KAZN: variants seen among roughly 807,000 people sequenced by gnomAD.
KAZN encodes the protein kazrin, periplakin interacting protein.
KAZN carries 40 observed loss-of-function variants against 87.4 expected under a neutral mutation model. That is an observed-to-expected ratio of 0.46 (90% CI 0.36 to 0.60). The LOEUF (loss-of-function observed/expected upper bound fraction) is 0.60, where lower values mean the gene tolerates loss of function less well. Ranked by LOEUF, KAZN falls within the 20% of genes least tolerant of loss-of-function variation. The probability of loss-of-function intolerance (pLI) is 0.00; values close to 1 mark genes in which losing one functional copy is unlikely to be tolerated. For missense variants in KAZN, 898 were observed against 1,073.9 expected, an observed-to-expected ratio of 0.84 and a Z score of 2.29; for synonymous variants, 466 against 458.3, an observed-to-expected ratio of 1.02 and a Z score of -0.22.
intron 2 of KAZN, among the ~76,000 whole-genome samples, chr1:15,025,668 C>T (rs997340898): frequency 6.6e-6 from 1 of 152,224 alleles, no homozygotes; most frequent in African/African-American, 2.4e-5. Context: ...TGCTGACTAA[C>T]TTTCCAGGGT....
intron 13 of KAZN, among the ~76,000 whole-genome samples, chr1:15,106,811 C>G (rs1641310837): frequency 6.6e-6 from 1 of 152,180 alleles, no homozygotes; most frequent in Non-Finnish European, 1.5e-5. Flanking sequence ...CACACACTGA[C>G]TTCCTGCATC....
rs532424110 is a variant in KAZN at position 14,779,909 on chromosome 1, G to A, written c.226+180686G>A. ...GCTAGTGATGGGTATACATTCTCTC[G>A]TGCATTGCTGATGCTAATTGCAGTG... On this transcript the variant is annotated intron_variant, in intron 1 of 14. Transcript: ENST00000376030. 1.7e-3 allele frequency among the ~76,000 whole-genome samples: 257 copies of A among 152,264 alleles called. 3 individuals are homozygous for A. The highest frequency in any genetic ancestry group is 5.6e-3 in the African/African-American group (234 of 41,558).
Position 14,278,894 on chromosome 1 carries a change from ATAGT to A in KAZN, c.249+98306_249+98309del, listed in dbSNP as rs1280622911. On this transcript the variant is annotated intron_variant, in intron 2 of 16. Transcript: ENST00000636203. ...CCTCTGTATTTTCTGTAAATTGGTG[ATAGT>A]TAGACCAAGAAGCTTCATCAAATTC... Among the ~76,000 whole-genome samples, 6 of 141,862 alleles carry A rather than the reference ATAGT, an allele frequency of 4.2e-5. No homozygotes were observed. In the East Asian group the frequency reaches 6.5e-4, roughly 15 times the overall value. 93.1% of individuals were successfully genotyped at this position (141,862 alleles called of 152,430 possible).
intron 4 of KAZN, among the ~76,000 whole-genome samples, chr1:15,051,894 G>A (rs1674445377): frequency 6.6e-6 from 1 of 152,256 alleles, no homozygotes; most frequent in African/African-American, 2.4e-5. Context: ...TTAAGTGGGA[G>A]AAATGGAGTT....
At chr1:14,940,898 CTTTTTTTTTTTTTTTT>C (rs66777443) in intron 1 of KAZN, among the ~76,000 whole-genome samples, 5 of 54,404 alleles carry the variant, frequency 9.2e-5, no homozygotes, top group Non-Finnish European at 9.9e-5. Flanking sequence ...TTCTACCTTT[CTTTTTTTTTTTTTTTT>C]TTTTTTTTTT....
rs565136973 is a variant in KAZN, at chr1:14,005,286, A to G, written c.91+111530A>G. On this transcript the variant is annotated intron_variant, in intron 1 of 16. Transcript: ENST00000636203. ...CAAGACCAAGCTGATGGCCGCAGAG[A>G]AATAGCAAATTAGGTTCAAGACAGA... 2.4e-4 allele frequency among the ~76,000 whole-genome samples: 36 copies of G among 152,286 alleles called. No homozygotes were observed. The South Asian group carries it at 6.8e-3, about 29-fold the overall frequency.
chr1:14,999,581 G>A (rs182599097), intron 2 of KAZN, among the ~76,000 whole-genome samples: 1,522 of 151,158 alleles, frequency 0.01, 29 homozygotes, highest in African/African-American at 0.035. Context: ...CTGCTACCTC[G>A]GAGGGAGCTG....
intron 2 of KAZN, among the ~76,000 whole-genome samples, chr1:14,318,312 T>G (rs980278628): frequency 1.3e-5 from 2 of 152,140 alleles, no homozygotes; most frequent in Non-Finnish European, 2.9e-5. Flanking sequence ...TTGAAATATA[T>G]TTTTGCTGGC....
rs184279186 is a variant in KAZN at position 14,274,377 on chromosome 1, C to T, written c.249+93785C>T. 1.9e-3 allele frequency among the ~76,000 whole-genome samples: 284 copies of T among 152,280 alleles called. 1 individual carries two copies. Among genetic ancestry groups the T allele is most frequent in the Non-Finnish European group, 2.7e-3 (183 of 68,030 alleles). On this transcript the variant is annotated intron_variant, in intron 2 of 16. Coordinates refer to the KAZN transcript ENST00000636203. ...AAACACACCACCCTCCCTCCTGATT[C>T]CACCATGTTTCGCATGCAAAGTCAA... is the stretch of plus-strand genomic sequence containing the variant.
chr1:14,751,263 A>C (rs528167475), intron 1 of KAZN, among the ~76,000 whole-genome samples: 45 of 152,342 alleles, frequency 3.0e-4, no homozygotes, highest in African/African-American at 1.0e-3. Context: ...TGTTATGTAT[A>C]CATGTGTACT....
chr1:14,341,833 T>C (rs1474795898), intron 2 of KAZN, among the ~76,000 whole-genome samples: 1 of 152,186 alleles, frequency 6.6e-6, no homozygotes, highest in Non-Finnish European at 1.5e-5. Context: ...AAATTATTTT[T>C]AACTTTTATT....
chr1:15,043,541 A>T lies in KAZN; in HGVS notation c.556-448A>T, dbSNP rs772482706. Among the ~76,000 whole-genome samples the T allele has an allele frequency of 4.6e-4, 69 of 151,410 alleles. No homozygotes were observed. In the Middle Eastern group the frequency reaches 0.01, roughly 23 times the overall value. ...GGGTTCGTCTCTGTTCCAGTCTTCC[A>T]GCTAGTTTGTGGCAGAGCTGGAGTT... On this transcript the variant is annotated intron_variant, in intron 3 of 14. Coordinates refer to ENST00000376030, the MANE Select transcript of KAZN (RefSeq NM_201628.3).
At chr1:15,005,008 C>T (rs528398026) in intron 2 of KAZN, among the ~76,000 whole-genome samples, 3 of 152,032 alleles carry the variant, frequency 2.0e-5, no homozygotes, top group East Asian at 1.9e-4. Flanking sequence ...GAGGTAAATA[C>T]GCCCAGGTTG....
chr1:14,551,592 C>T lies in KAZN; in HGVS notation c.250-47391C>T, dbSNP rs137911682. On this transcript the variant is annotated intron_variant, in intron 2 of 16. Coordinates refer to the KAZN transcript ENST00000636203. ...CTGTGTACTCATGTTATCTGCTCCA[C>T]GTGTTCGTTCCTTTCTAGGTCAAGG... Among the ~76,000 whole-genome samples the T allele has an allele frequency of 3.9e-3, 596 of 152,282 alleles. 3 individuals are homozygous for T. The highest frequency in any genetic ancestry group is 0.013 in the African/African-American group (558 of 41,556).
At chr1:14,752,220 A>G (rs888654178) in intron 1 of KAZN, among the ~76,000 whole-genome samples, 1 of 152,202 alleles carries the variant, frequency 6.6e-6, no homozygotes, top group Non-Finnish European at 1.5e-5. Flanking sequence ...GCCCACCTCT[A>G]ATATTAGGGA....
chr1:15,084,462 G>C (rs1023957952), intron 8 of KAZN, among the ~76,000 whole-genome samples: 3 of 152,210 alleles, frequency 2.0e-5, no homozygotes, highest in Non-Finnish European at 4.4e-5. Flanking sequence ...TGGTCTCACA[G>C]AAAATAAGGG....
intron 1 of KAZN, among the ~76,000 whole-genome samples, chr1:14,050,120 G>A (rs1312719284): frequency 1.1e-5 from 1 of 92,902 alleles, no homozygotes. Context: ...ATGTGTGTGG[G>A]CATGCATGTG....
At chr1:14,743,656 G>A (rs1464711664) in intron 1 of KAZN, among the ~76,000 whole-genome samples, 2 of 152,020 alleles carry the variant, frequency 1.3e-5, no homozygotes, top group African/African-American at 4.8e-5. Context: ...CCCTCTCCTC[G>A]GGTCTCAGAT....
At chr1:14,041,886 T>C (rs183963385) in intron 1 of KAZN, among the ~76,000 whole-genome samples, 8 of 152,318 alleles carry the variant, frequency 5.3e-5, no homozygotes, top group Admixed American at 4.6e-4. Context: ...ATTCTGAAGG[T>C]ATTGTTTAAT....
Sources: gnomAD v4.1 joint callset for allele counts (sites outside exome capture counted in the v4.1 genomes callset) on GRCh38, gnomAD v4.1.1 for gene constraint, MANE v1.5 for transcripts, NCBI Gene and HGNC (gene_info 2026-07-23, HGNC 2026-07-21) for gene names.